SLC24A3: variants seen among roughly 807,000 people sequenced by gnomAD.
SLC24A3 encodes the protein solute carrier family 24 member 3.
A neutral mutation model predicts 75.8 loss-of-function variants in SLC24A3; 28 were observed. The observed-to-expected ratio is 0.37, with a 90% CI of 0.27 to 0.51. The LOEUF is 0.51. Among genes scored for constraint, SLC24A3 ranks in the 20% least tolerant of loss-of-function variants. SLC24A3 has a pLI of 0.94. For synonymous variants in SLC24A3, 372 were observed against 334.1 expected, an observed-to-expected ratio of 1.11 and a Z score of -1.24; for missense variants, 663 against 847.8, an observed-to-expected ratio of 0.78 and a Z score of 2.71.
chr20:19,341,791 A>G (rs1985278557), intron 2 of SLC24A3, among the ~76,000 whole-genome samples: 1 of 152,180 alleles, frequency 6.6e-6, no homozygotes, highest in Non-Finnish European at 1.5e-5. Flanking sequence ...AAGAAGTTGA[A>G]GCCAATGAAG....
At chr20:19,644,498 T>A (rs1343530992) in intron 6 of SLC24A3, among the ~76,000 whole-genome samples, 1 of 152,146 alleles carries the variant, frequency 6.6e-6, no homozygotes, top group Non-Finnish European at 1.5e-5. Flanking sequence ...GGCACACACT[T>A]AGCTGTGGGG....
intron 2 of SLC24A3, among the ~76,000 whole-genome samples, chr20:19,436,354 G>A (rs1042472657): frequency 6.6e-6 from 1 of 152,146 alleles, no homozygotes; most frequent in Admixed American, 6.5e-5. Context: ...TTAGCATGAC[G>A]CTCAGATTTA....
intron 2 of SLC24A3, among the ~76,000 whole-genome samples, chr20:19,496,746 A>G (rs6046144): frequency 0.25 from 37,274 of 152,064 alleles, 5,043 homozygotes; most frequent in East Asian, 0.5. Flanking sequence ...GAACTTCAGC[A>G]CAACCGAGCC....
intron 2 of SLC24A3, among the ~76,000 whole-genome samples, chr20:19,357,189 C>T (rs1160499630): frequency 6.6e-6 from 1 of 152,134 alleles, no homozygotes; most frequent in East Asian, 1.9e-4. Flanking sequence ...GATGCAGTCA[C>T]AAGCCAAGGG....
chr20:19,432,786 G>A (rs1374232280), intron 2 of SLC24A3, among the ~76,000 whole-genome samples: 3 of 152,180 alleles, frequency 2.0e-5, no homozygotes, highest in Non-Finnish European at 4.4e-5. Flanking sequence ...CACTGACTTA[G>A]TGCTGTAAAC....
intron 2 of SLC24A3, among the ~76,000 whole-genome samples, chr20:19,369,775 T>G (rs537052362): frequency 6.6e-6 from 1 of 152,308 alleles, no homozygotes; most frequent in South Asian, 2.1e-4. Flanking sequence ...AGGGGCACAA[T>G]ACCTGTATTG....
intron 6 of SLC24A3, among the ~76,000 whole-genome samples, chr20:19,607,071 G>A (rs1600300654): frequency 6.6e-6 from 1 of 152,142 alleles, no homozygotes; most frequent in African/African-American, 2.4e-5. Flanking sequence ...CCAGAAATAT[G>A]AGTCAGTTCA....
intron 3 of SLC24A3, among the ~76,000 whole-genome samples, chr20:19,572,369 A>T (rs955782668): frequency 1.3e-5 from 2 of 152,116 alleles, no homozygotes; most frequent in African/African-American, 4.8e-5. Flanking sequence ...AAAGAAAAAA[A>T]CAGGTCCATA....
At chr20:19,254,942 A>T (rs935692225) in intron 1 of SLC24A3, among the ~76,000 whole-genome samples, 10 of 152,230 alleles carry the variant, frequency 6.6e-5, no homozygotes, top group Non-Finnish European at 1.2e-4. Flanking sequence ...CTTTAAATGC[A>T]GGTAATGAGA....
chr20:19,356,625 C>A (rs560869776), intron 2 of SLC24A3, among the ~76,000 whole-genome samples: 1 of 152,308 alleles, frequency 6.6e-6, no homozygotes, highest in South Asian at 2.1e-4. Context: ...CAGTTCTTCA[C>A]ATGACAGTAC....
At chr20:19,399,647 G>A (rs1047600405) in intron 2 of SLC24A3, among the ~76,000 whole-genome samples, 7 of 152,158 alleles carry the variant, frequency 4.6e-5, no homozygotes, top group African/African-American at 7.2e-5. Context: ...TTATAATCGA[G>A]GCTAATTTTA....
At chr20:19,503,674 C>T (rs1013973448) in intron 2 of SLC24A3, among the ~76,000 whole-genome samples, 11 of 152,218 alleles carry the variant, frequency 7.2e-5, no homozygotes, top group African/African-American at 2.2e-4. Flanking sequence ...GAAGTAAGCA[C>T]AGCTCTTATT....
At chr20:19,579,576 A>G (rs1600288212) in intron 3 of SLC24A3, among the ~76,000 whole-genome samples, 2 of 152,370 alleles carry the variant, frequency 1.3e-5, no homozygotes, top group African/African-American at 4.8e-5. Flanking sequence ...TAGATGAATT[A>G]ATTTAACATA....
At chr20:19,511,105 G>C (rs967683452) in intron 2 of SLC24A3, among the ~76,000 whole-genome samples, 2 of 152,086 alleles carry the variant, frequency 1.3e-5, no homozygotes, top group African/African-American at 4.8e-5. Flanking sequence ...GCTTTCCTCT[G>C]TCTCCCAGCA....
At chr20:19,387,578 C>T (rs1473294415) in intron 2 of SLC24A3, among the ~76,000 whole-genome samples, 1 of 152,112 alleles carries the variant, frequency 6.6e-6, no homozygotes, top group Non-Finnish European at 1.5e-5. Context: ...CTTCTTTGAG[C>T]AATTGGTTGT....
Position 19,422,130 on chromosome 20 carries a change from G to A in SLC24A3, c.272-93358G>A, listed in dbSNP as rs566770015. Among the ~76,000 whole-genome samples the A allele has an allele frequency of 3.9e-5, 6 of 152,176 alleles. No homozygotes were observed. In the South Asian group the frequency reaches 1.2e-3, roughly 32 times the overall value. ...CTACTGAGTGTGTTCTCTGGCCAGAGAACACATGCAGACTGGGTAGAGCTG... is the reference window on the plus strand; with the variant it reads ...CTACTGAGTGTGTTCTCTGGCCAGAAAACACATGCAGACTGGGTAGAGCTG... On this transcript the variant is annotated intron_variant, in intron 2 of 16. Transcript: ENST00000328041.
intron 6 of SLC24A3, among the ~76,000 whole-genome samples, chr20:19,599,464 G>A (rs1473582621): frequency 1.3e-5 from 2 of 152,144 alleles, no homozygotes; most frequent in African/African-American, 2.4e-5. Context: ...TCCCTCCCGT[G>A]CATCTGGAGG....
At chr20:19,625,592 C>T (rs933975800) in intron 6 of SLC24A3, among the ~76,000 whole-genome samples, 15 of 152,176 alleles carry the variant, frequency 9.9e-5, no homozygotes, top group Non-Finnish European at 2.1e-4. Context: ...GTATGTCCAT[C>T]GTCAGTATTA....
chr20:19,396,425 G>T (rs987457), intron 2 of SLC24A3, among the ~76,000 whole-genome samples: 36,598 of 152,070 alleles, frequency 0.24, 8,667 homozygotes, highest in African/African-American at 0.6. Context: ...ATACAAATTA[G>T]TAATGAGCTA....
Sources: allele counts gnomAD v4.1 joint callset (sites outside exome capture counted in the v4.1 genomes callset), GRCh38; gene constraint gnomAD v4.1.1; transcripts MANE v1.5; gene names NCBI Gene and HGNC (gene_info 2026-07-23, HGNC 2026-07-21).